Variants in DAGLB observed in about 807,000 individuals in gnomAD.
The protein encoded by DAGLB is diacylglycerol lipase-beta.
Under a neutral mutation model 72.1 loss-of-function variants are expected in DAGLB, and 66 were observed. That is an observed-to-expected ratio of 0.92 (90% confidence interval 0.75 to 1.12). The LOEUF (loss-of-function observed/expected upper bound fraction) is 1.12. Ranked by LOEUF, DAGLB falls within the 50% of genes most tolerant of loss-of-function variation. The pLI is 0.00. For synonymous variants in DAGLB, 414 were observed against 359.5 expected (o/e 1.15, Z -1.71); for missense variants, 1,065 against 884.9 (o/e 1.20, Z -2.58).
At chr7:6,424,482 G>A (rs1784238097) in intron 8 of DAGLB, among the ~76,000 whole-genome samples, 1 of 152,154 alleles carries the variant, frequency 6.6e-6, no homozygotes, top group Non-Finnish European at 1.5e-5. Flanking sequence ...GGCAGGGAGG[G>A]GTCAAGCAGG....
chr7:6,446,546 A>T (rs1171650224), intron 1 of DAGLB, among the ~76,000 whole-genome samples: 1 of 147,820 alleles, frequency 6.8e-6, no homozygotes, highest in African/African-American at 2.5e-5. Flanking sequence ...AAAACAAGGC[A>T]AGGTTCACTT....
intron 2 of DAGLB, among the ~76,000 whole-genome samples, chr7:6,443,455 C>G (rs1784900817): frequency 6.6e-6 from 1 of 151,906 alleles, no homozygotes; most frequent in Admixed American, 6.6e-5. Flanking sequence ...AACTCTGTCT[C>G]AAAAGAAAAA....
At chr7:6,421,934 G>T in intron 8 of DAGLB, 130 bp from the exon 9 acceptor site, 3 of 1,010,092 alleles carry the variant, frequency 3.0e-6, no homozygotes, top group Non-Finnish European at 3.0e-6. Flanking sequence ...GTTCGGTCCT[G>T]GGACTGAACC....
At chr7:6,417,007 C>A in intron 9 of DAGLB, 86 bp from the exon 10 acceptor site, 2 of 1,442,648 alleles carry the variant, frequency 1.4e-6, no homozygotes, top group East Asian at 2.3e-5. Flanking sequence ...ACGCTGTGCA[C>A]TGATGTGTGA....
intron 11 of DAGLB, among the ~76,000 whole-genome samples, chr7:6,415,994 C>T (rs950977004): frequency 2.6e-5 from 4 of 151,828 alleles, no homozygotes; most frequent in South Asian, 2.1e-4. Context: ...GCCTACCAGG[C>T]GCATGGATGT....
At chr7:6,446,158 G>A (rs1326967502) in intron 1 of DAGLB, 54 bp from the exon 2 acceptor site, 2 of 1,543,096 alleles carry the variant, frequency 1.3e-6, no homozygotes, top group Non-Finnish European at 1.7e-6. Context: ...GAGCTGCTGT[G>A]TAGAACATGA....
At chr7:6,413,872 C>G (rs1038311410) in intron 11 of DAGLB, among the ~76,000 whole-genome samples, 1 of 152,182 alleles carries the variant, frequency 6.6e-6, no homozygotes, top group African/African-American at 2.4e-5. Context: ...TGAACAGCCA[C>G]GACCAGAGAC....
chr7:6,413,071 G>A (rs374335337), intron 11 of DAGLB, 37 bp from the exon 12 acceptor site: 81 of 1,601,672 alleles, frequency 5.1e-5, no homozygotes, highest in Non-Finnish European at 4.9e-5. Context: ...TTAGCTTTAC[G>A]ATGACACTGC....
chr7:6,443,694 C>T (rs918610967), intron 2 of DAGLB, among the ~76,000 whole-genome samples: 2 of 152,112 alleles, frequency 1.3e-5, no homozygotes, highest in African/African-American at 4.8e-5. Context: ...ACCAGCGCCT[C>T]CCAGTGCACC....
rs1422230280 is a variant in DAGLB, at chr7:6,410,089, C to A, written c.1820+41G>T. 10 of 1,581,488 alleles carry A rather than the reference C, an allele frequency of 6.3e-6. No homozygotes were observed. In the East Asian group the frequency reaches 1.8e-4, roughly 28 times the overall value. ...ACGCGGCCCCAGGGCTGACCCCGCGCTGCTCCTGCCTGCCCACCACACCCA... is the reference window on the plus strand; with the variant it reads ...ACGCGGCCCCAGGGCTGACCCCGCGATGCTCCTGCCTGCCCACCACACCCA... On this transcript the variant is annotated intron_variant, in intron 14 of 14. Coordinates refer to ENST00000297056, the MANE Select transcript of DAGLB (RefSeq NM_139179.4).
intron 5 of DAGLB, 68 bp downstream of exon 5, chr7:6,432,769 G>A (rs1784529446): frequency 1.3e-6 from 2 of 1,550,988 alleles, no homozygotes; most frequent in African/African-American, 2.8e-5. Context: ...TAGGTTAGCT[G>A]TATGATTCTG....
At chr7:6,412,914 G>A in intron 12 of DAGLB, 31 bp from the exon 13 acceptor site, 2 of 1,612,372 alleles carry the variant, frequency 1.2e-6, no homozygotes, top group South Asian at 1.1e-5. Flanking sequence ...CTGAGGCTGG[G>A]ACCTGGCACT....
At chr7:6,438,500 AAAAC>A (rs1410232251) in intron 2 of DAGLB, among the ~76,000 whole-genome samples, 2 of 152,134 alleles carry the variant, frequency 1.3e-5, no homozygotes, top group Non-Finnish European at 2.9e-5. Flanking sequence ...TGGAAAAAAA[AAAAC>A]ACAGTCCTAT....
At chr7:6,415,678 C>T (rs1475427949) in intron 11 of DAGLB, among the ~76,000 whole-genome samples, 2 of 151,208 alleles carry the variant, frequency 1.3e-5, no homozygotes, top group African/African-American at 4.9e-5. Flanking sequence ...CCCGTCTCTA[C>T]TAAAAAAATA....
rs1464469250 is a variant in DAGLB, at chr7:6,424,820, A to T, written c.1072T>A (p.Phe358Ile). The T allele has an allele frequency of 2.5e-6, 4 of 1,613,578 alleles. No homozygotes were observed. The African/African-American group carries it at 5.3e-5, about 22-fold the overall frequency. Residue 358 changes from phenylalanine (F) to isoleucine (I), a missense_variant, in exon 8 of 15, where the codon TTT becomes ATT. Coordinates refer to ENST00000297056, the MANE Select transcript of DAGLB (RefSeq NM_139179.4). ...SFHDKVYELP[F>I]LVALDHRKES... ...TTCCTGTGATCCAGAGCCACTAAAA[A>T]CGGCAGCTCGTAAACCTGCAGGAGC...
chr7:6,434,249 A>C (rs1250786112), intron 4 of DAGLB, among the ~76,000 whole-genome samples: 4 of 148,540 alleles, frequency 2.7e-5, no homozygotes, highest in African/African-American at 5.0e-5. Flanking sequence ...AAAAAAAAAA[A>C]CAAGCATTTT....
Position 6,430,302 on chromosome 7 carries a change from G to GGAGA in DAGLB, c.929+174_929+177dup, listed in dbSNP as rs749575853. ...ATATATGCAGGGGGGAGGGAGGGAG[G>GGAGA]GAGAGAGAGAGAGAGAGAGATACAG... On this transcript the variant is annotated intron_variant, in intron 6 of 14. Coordinates refer to ENST00000297056, the MANE Select transcript of DAGLB (RefSeq NM_139179.4). 2.4e-3 allele frequency among the ~76,000 whole-genome samples: 248 copies of GGAGA among 105,422 alleles called. 1 individual carries two copies. Among genetic ancestry groups the GGAGA allele is most frequent in the South Asian group, 6.1e-3 (18 of 2,956 alleles). The allele number at this position is 105,422 out of a possible 152,430, so 69.2% of individuals were successfully genotyped here.
chr7:6,425,604 A>G (rs1784284227), intron 7 of DAGLB, among the ~76,000 whole-genome samples: 1 of 152,102 alleles, frequency 6.6e-6, no homozygotes, highest in South Asian at 2.1e-4. Context: ...CCAAGGTGAC[A>G]GTGACCCCCC....
chr7:6,436,429 A>T lies in DAGLB; in HGVS notation c.352T>A (p.Trp118Arg). The change falls in exon 3 of 15, where the codon TGG becomes AGG. Residue 118 changes from tryptophan to arginine, a missense_variant. By Grantham distance (101) the Trp-to-Arg change is moderately radical (BLOSUM62 -3). Transcript: ENST00000297056. ...TCGCACTGAACACCATCTGCCACCC[A>T]GGCAGCCCCCAGAGAGGCCCAGACC... ...EMVWASLGAA[W>R]VADGVQCDRT... The T allele has an allele frequency of 6.2e-7, 1 of 1,614,104 alleles. No individual in the cohort carries two copies. The highest frequency in any genetic ancestry group is 1.1e-5 in the South Asian group (1 of 91,076).
Sources: allele counts gnomAD v4.1 joint callset (sites outside exome capture counted in the v4.1 genomes callset), GRCh38; gene constraint gnomAD v4.1.1; transcripts MANE v1.5; gene names NCBI Gene and HGNC (gene_info 2026-07-23, HGNC 2026-07-21).